The following C8orf34 variants were observed in gnomAD, a reference collection of about 807,000 sequenced individuals.
C8orf34 encodes the protein chromosome 8 open reading frame 34.
Under a neutral mutation model 68.3 loss-of-function variants are expected in C8orf34, and 65 were observed. The observed-to-expected ratio is 0.95, with a 90% confidence interval of 0.78 to 1.17. C8orf34 has a LOEUF of 1.17. Among genes scored for constraint, C8orf34 ranks in the 50% most tolerant of loss-of-function variants. The probability of loss-of-function intolerance (pLI) is 0.00; values close to 1 mark genes in which losing one functional copy is unlikely to be tolerated. For synonymous variants in C8orf34, 244 were observed against 241.2 expected (o/e 1.01, Z -0.11); for missense variants, 664 against 655.4 (o/e 1.01, Z -0.14).
chr8:68,343,543 G>A (rs1453190147), intron 1 of C8orf34, among the ~76,000 whole-genome samples: 1 of 151,288 alleles, frequency 6.6e-6, no homozygotes, highest in Non-Finnish European at 1.5e-5. Flanking sequence ...TCCCAACTTA[G>A]CCTCCCAAGT....
intron 7 of C8orf34, among the ~76,000 whole-genome samples, chr8:68,616,120 T>C (rs1563564558): frequency 2.0e-5 from 3 of 151,466 alleles, no homozygotes; most frequent in Admixed American, 1.3e-4. Context: ...TGTATTTCTG[T>C]GGGATCGGTG....
intron 7 of C8orf34, among the ~76,000 whole-genome samples, chr8:68,621,735 C>G (rs141460533): frequency 4.4e-4 from 67 of 152,248 alleles, no homozygotes; most frequent in African/African-American, 1.5e-3. Context: ...TCTTCAACTT[C>G]GGTTAGTCAA....
intron 8 of C8orf34, among the ~76,000 whole-genome samples, chr8:68,651,036 C>G (rs937651197): frequency 6.6e-6 from 1 of 152,068 alleles, no homozygotes; most frequent in Non-Finnish European, 1.5e-5. Context: ...TAAAAGGAAG[C>G]CTTGCTGAGG....
intron 12 of C8orf34, among the ~76,000 whole-genome samples, chr8:68,794,363 G>T (rs932848564): frequency 2.7e-5 from 4 of 149,628 alleles, no homozygotes; most frequent in African/African-American, 1.0e-4. Context: ...TAGAAACAAG[G>T]TCTCGCTATA....
chr8:68,680,944 C>A (rs184553879), intron 8 of C8orf34, among the ~76,000 whole-genome samples: 4 of 152,200 alleles, frequency 2.6e-5, no homozygotes, highest in South Asian at 2.1e-4. Flanking sequence ...GACCTCCCCC[C>A]AGGAATGCAT....
intron 7 of C8orf34, among the ~76,000 whole-genome samples, chr8:68,536,437 T>A: frequency 6.7e-6 from 1 of 150,218 alleles, no homozygotes; most frequent in African/African-American, 2.4e-5. Flanking sequence ...ACATTAATTA[T>A]CAGAGAACAT....
At chr8:68,412,505 T>C (rs991393520) in intron 1 of C8orf34, among the ~76,000 whole-genome samples, 3 of 152,156 alleles carry the variant, frequency 2.0e-5, no homozygotes, top group Non-Finnish European at 2.9e-5. Flanking sequence ...TACTTTTCTC[T>C]ACAGGCTCCT....
chr8:68,810,331 G>A (rs1272177328), intron 12 of C8orf34, among the ~76,000 whole-genome samples: 3 of 152,210 alleles, frequency 2.0e-5, no homozygotes, highest in Non-Finnish European at 2.9e-5. Context: ...TTGAGGCTGC[G>A]GCTGGACTAG....
intron 1 of C8orf34, among the ~76,000 whole-genome samples, chr8:68,406,833 A>G (rs767267943): frequency 6.6e-6 from 1 of 152,150 alleles, no homozygotes; most frequent in Admixed American, 6.6e-5. Context: ...TTCCCCCAAC[A>G]GATCCTAAAT....
chr8:68,760,377 A>G (rs1822988483), intron 10 of C8orf34, among the ~76,000 whole-genome samples: 1 of 152,208 alleles, frequency 6.6e-6, no homozygotes. Flanking sequence ...AATTGAAGTG[A>G]CTTGCCTCAG....
intron 7 of C8orf34, among the ~76,000 whole-genome samples, chr8:68,544,800 G>GA (rs1020367135): frequency 2.0e-5 from 3 of 151,032 alleles, no homozygotes; most frequent in South Asian, 2.1e-4. Context: ...AAATAATTCG[G>GA]AAAAAAAATC....
intron 10 of C8orf34, among the ~76,000 whole-genome samples, chr8:68,730,371 C>A (rs1445534247): frequency 6.6e-6 from 1 of 152,058 alleles, no homozygotes; most frequent in Non-Finnish European, 1.5e-5. Flanking sequence ...TTTTATGACT[C>A]ATCAGCTAAG....
chr8:68,750,226 C>T (rs997728917), intron 10 of C8orf34, among the ~76,000 whole-genome samples: 2 of 152,064 alleles, frequency 1.3e-5, no homozygotes, highest in African/African-American at 4.8e-5. Context: ...ACCCAACATA[C>T]ATGAACTAAT....
intron 11 of C8orf34, among the ~76,000 whole-genome samples, chr8:68,778,830 G>C (rs1823592427): frequency 6.6e-6 from 1 of 152,028 alleles, no homozygotes. Flanking sequence ...AATTCAATCA[G>C]TTCCAAATCT....
chr8:68,817,754 C>T (rs1009156957), intron 13 of C8orf34, among the ~76,000 whole-genome samples: 1 of 152,098 alleles, frequency 6.6e-6, no homozygotes, highest in African/African-American at 2.4e-5. Context: ...CACAGTTCAG[C>T]ATGGCTGGGG....
chr8:68,340,856 A>G (rs182328767), intron 1 of C8orf34, among the ~76,000 whole-genome samples: 10 of 152,362 alleles, frequency 6.6e-5, no homozygotes, highest in Admixed American at 6.5e-4. Flanking sequence ...AAGGAAAACT[A>G]CAGATAAAAT....
At chr8:68,754,187 T>C (rs1822788089) in intron 10 of C8orf34, among the ~76,000 whole-genome samples, 1 of 152,206 alleles carries the variant, frequency 6.6e-6, no homozygotes, top group Non-Finnish European at 1.5e-5. Context: ...GATCACATTA[T>C]GGTATGAGAA....
At chr8:68,671,277 G>A (rs1819999825) in intron 8 of C8orf34, among the ~76,000 whole-genome samples, 1 of 152,110 alleles carries the variant, frequency 6.6e-6, no homozygotes, top group Non-Finnish European at 1.5e-5. Flanking sequence ...TGTTAAAGAT[G>A]AACTGAAAAA....
At chr8:68,563,699 C>T (rs898128467) in intron 7 of C8orf34, among the ~76,000 whole-genome samples, 1 of 151,204 alleles carries the variant, frequency 6.6e-6, no homozygotes, top group South Asian at 2.1e-4. Flanking sequence ...CTCAGTTTGT[C>T]CCTCATGTTG....
Sources: allele counts gnomAD v4.1 joint callset (sites outside exome capture counted in the v4.1 genomes callset), GRCh38; gene constraint gnomAD v4.1.1; transcripts MANE v1.5; gene names NCBI Gene and HGNC (gene_info 2026-07-23, HGNC 2026-07-21).